The following ATF3 variants were observed in gnomAD, a reference collection of about 807,000 sequenced individuals.
ATF3 encodes the protein activating transcription factor 3.
In ATF3, 10 loss-of-function variants were observed where a neutral mutation model predicts 18.4. The ratio of observed to expected loss-of-function variants is 0.54; its 90% CI spans 0.34 to 0.92. ATF3 has a LOEUF of 0.92. Among genes scored for constraint, ATF3 ranks in the 40% least tolerant of loss-of-function variants. ATF3 has a pLI of 0.02. For synonymous variants in ATF3, 78 were observed against 87.9 expected (o/e 0.89, Z 0.63); for missense variants, 183 against 222.3 (o/e 0.82, Z 1.12).
upstream of ATF3, among the ~76,000 whole-genome samples, chr1:212,603,859 A>AATAATTTACCTAT (rs1389431787): frequency 6.6e-6 from 1 of 152,054 alleles, no homozygotes; most frequent in Admixed American, 6.6e-5. Context: ...TTTTAAGAAG[A>AATAATTTACCTAT]AAGACCATAT....
rs878974890 is a variant in ATF3, at chr1:212,589,830, C to T, written c.-5+24347C>T. Among the ~76,000 whole-genome samples, 10 of 135,940 alleles carry T rather than the reference C, an allele frequency of 7.4e-5. No individual in the cohort carries two copies. In the South Asian group the frequency reaches 2.3e-3, roughly 32 times the overall value. The allele number at this position is 135,940 out of a possible 152,430, so 89.2% of individuals were successfully genotyped here. A position where few individuals can be genotyped will look rare whatever the true frequency, so the allele number is the denominator to read the frequency against. On this transcript the variant is annotated intron_variant, in intron 1 of 3. Transcript: ENST00000366981. ...TTTTTTTTTTTTTTTAAGGAAAAAA[C>T]AAAACTTCAGTTTAACGTTTCTGCA...
chr1:212,610,149 C>T (rs1654837181), intron 1 of ATF3, among the ~76,000 whole-genome samples: 1 of 152,194 alleles, frequency 6.6e-6, no homozygotes, highest in African/African-American at 2.4e-5. Context: ...TCCCCCCACT[C>T]CCATTTTCAT....
At chr1:212,586,621 A>G (rs1372539592) in intron 1 of ATF3, among the ~76,000 whole-genome samples, 2 of 152,190 alleles carry the variant, frequency 1.3e-5, no homozygotes, top group Non-Finnish European at 2.9e-5. Flanking sequence ...AGAATTTCCA[A>G]TCTCCACCAC....
intron 1 of ATF3, among the ~76,000 whole-genome samples, chr1:212,566,147 G>A (rs753380585): frequency 3.3e-5 from 5 of 152,182 alleles, no homozygotes; most frequent in Non-Finnish European, 7.3e-5. Context: ...GATCTTGTTT[G>A]GCAGCTGGTT....
At chr1:212,612,714 A>G (rs531991268) in intron 1 of ATF3, among the ~76,000 whole-genome samples, 8 of 152,328 alleles carry the variant, frequency 5.3e-5, no homozygotes, top group Admixed American at 1.3e-4. Context: ...TGACTAGTCA[A>G]GGGCAGATTT....
At chr1:212,606,929 G>T (rs1283269106), upstream of ATF3, among the ~76,000 whole-genome samples, 2 of 152,334 alleles carry the variant, frequency 1.3e-5, no homozygotes, top group Non-Finnish European at 2.9e-5. Context: ...TGGAAGCGGA[G>T]GGTGGGGCCC....
chr1:212,594,510 A>G (rs1195040274), intron 1 of ATF3, among the ~76,000 whole-genome samples: 2 of 152,228 alleles, frequency 1.3e-5, no homozygotes, highest in Non-Finnish European at 2.9e-5. Context: ...TCAGATTTAA[A>G]AAGTCACTCT....
intron 1 of ATF3, among the ~76,000 whole-genome samples, chr1:212,610,257 C>G (rs1334516545): frequency 6.6e-6 from 1 of 152,120 alleles, no homozygotes. Flanking sequence ...TTACTAAATC[C>G]TTGATGAACC....
At chr1:212,602,161 G>C (rs949473518) in intron 1 of ATF3, among the ~76,000 whole-genome samples, 3 of 152,138 alleles carry the variant, frequency 2.0e-5, no homozygotes, top group Non-Finnish European at 4.4e-5. Flanking sequence ...CTGACCACAG[G>C]TTCTTTCTGC....
chr1:212,614,546 G>C (rs1428277559), intron 1 of ATF3, among the ~76,000 whole-genome samples: 7 of 149,018 alleles, frequency 4.7e-5, no homozygotes, highest in African/African-American at 1.5e-4. Context: ...TTGAAAAAGA[G>C]GCTTTTTTTT....
chr1:212,590,451 CT>C (rs938667612), intron 1 of ATF3, among the ~76,000 whole-genome samples: 1 of 151,958 alleles, frequency 6.6e-6, no homozygotes, highest in Non-Finnish European at 1.5e-5. Flanking sequence ...CATAAGCATA[CT>C]TTTTGGAGTT....
intron 1 of ATF3, among the ~76,000 whole-genome samples, chr1:212,590,075 T>C (rs1350146431): frequency 1.3e-5 from 2 of 152,188 alleles, no homozygotes; most frequent in African/African-American, 4.8e-5. Context: ...TTATGTTAAA[T>C]GTTGCCCTTT....
intron 1 of ATF3, among the ~76,000 whole-genome samples, chr1:212,609,834 G>A (rs1256412459): frequency 6.6e-6 from 1 of 152,228 alleles, no homozygotes; most frequent in African/African-American, 2.4e-5. Flanking sequence ...AATCGATGTC[G>A]TTGGGCCTCA....
At chr1:212,595,818 G>A (rs539036494) in intron 1 of ATF3, among the ~76,000 whole-genome samples, 149 of 152,228 alleles carry the variant, frequency 9.8e-4, no homozygotes, top group Middle Eastern at 6.8e-3. Flanking sequence ...TTGGTAATAG[G>A]CCCCACTAAT....
rs1179930290 is a variant in ATF3, at chr1:212,618,058, A to G, written c.241-69A>G. 12 of 1,513,738 alleles carry G rather than the reference A, an allele frequency of 7.9e-6. No homozygotes were observed. The highest frequency in any genetic ancestry group is 1.1e-5 in the Non-Finnish European group (12 of 1,093,010). 93.8% of individuals were successfully genotyped at this position (1,513,738 alleles called of 1,614,324 possible). Reference sequence around the variant, plus strand: ...GTCTGCCAGCTTTTGCTGGCAGTAAAAGGCAGTGTATTTGAGGTAGGTGGC... The same window carrying G: ...GTCTGCCAGCTTTTGCTGGCAGTAAGAGGCAGTGTATTTGAGGTAGGTGGC... On this transcript the variant is annotated intron_variant, in intron 2 of 3. Transcript: ENST00000341491. The surrounding 1 kb of genome is among the most constrained non-coding windows in gnomAD (Gnocchi z 4.4).
intron 1 of ATF3, among the ~76,000 whole-genome samples, chr1:212,590,136 A>AT (rs1437708006): frequency 6.6e-6 from 1 of 151,950 alleles, no homozygotes; most frequent in Non-Finnish European, 1.5e-5. Context: ...ACATGCTTTT[A>AT]TTTTTTTGTA....
intron 1 of ATF3, among the ~76,000 whole-genome samples, chr1:212,595,265 C>T (rs1190772588): frequency 1.3e-5 from 2 of 152,182 alleles, no homozygotes; most frequent in Admixed American, 6.5e-5. Context: ...GGAGATTTGC[C>T]GGTTCATATA....
At chr1:212,603,578 T>C (rs1243512082) in intron 1 of ATF3, among the ~76,000 whole-genome samples, 1 of 152,220 alleles carries the variant, frequency 6.6e-6, no homozygotes, top group East Asian at 1.9e-4. Context: ...TATTTGAATT[T>C]GTATAGCATT....
At chr1:212,572,069 A>T (rs935048077) in intron 1 of ATF3, among the ~76,000 whole-genome samples, 1 of 152,212 alleles carries the variant, frequency 6.6e-6, no homozygotes, top group African/African-American at 2.4e-5. Flanking sequence ...AAGTTCTCAT[A>T]TGTACAGTGG....
Sources: gnomAD v4.1 joint callset for allele counts (sites outside exome capture counted in the v4.1 genomes callset) on GRCh38, gnomAD v4.1.1 for gene constraint, Gnocchi (gnomAD v3.1) non-coding constraint, MANE v1.5 for transcripts, NCBI Gene and HGNC (gene_info 2026-07-23, HGNC 2026-07-21) for gene names.